GSE1: variants seen among roughly 807,000 people sequenced by gnomAD.
The protein encoded by GSE1 is genetic suppressor element 1.
In GSE1, 32 loss-of-function variants were observed where a neutral mutation model predicts 112.6. The ratio of observed to expected loss-of-function variants is 0.28; its 90% CI spans 0.21 to 0.38. The LOEUF (loss-of-function observed/expected upper bound fraction) is 0.38. GSE1 is among the 10% of genes least tolerant of loss of function. The pLI is 1.00. For missense variants in GSE1, 2,348 were observed against 1,699.2 expected (o/e 1.38, Z -6.71); for synonymous variants, 1,115 against 735.6 (o/e 1.52, Z -8.35).
intron 1 of GSE1, among the ~76,000 whole-genome samples, chr16:85,623,241 G>T (rs1208860627): frequency 6.7e-5 from 10 of 149,844 alleles, no homozygotes; most frequent in South Asian, 2.1e-4. Flanking sequence ...TTGAGACAGG[G>T]TCTCGCTCTG....
At chr16:85,313,693 T>C (rs1459867934) in intron 1 of GSE1, among the ~76,000 whole-genome samples, 1 of 152,158 alleles carries the variant, frequency 6.6e-6, no homozygotes, top group Non-Finnish European at 1.5e-5. Context: ...CAGAACAGGC[T>C]GTGGGGAAGG....
intron 1 of GSE1, among the ~76,000 whole-genome samples, chr16:85,299,771 T>A (rs1429029410): frequency 6.6e-6 from 1 of 151,836 alleles, no homozygotes; most frequent in Admixed American, 6.6e-5. Flanking sequence ...CTATAAAAAA[T>A]TTTAAAAATA....
At chr16:85,556,498 G>A (rs2045220376) in intron 1 of GSE1, 2 of 191,424 alleles carry the variant, frequency 1.0e-5, no homozygotes, top group Admixed American at 6.6e-5. Context: ...CCGCAGACGC[G>A]CGCGGCCTCG....
intron 1 of GSE1, among the ~76,000 whole-genome samples, chr16:85,244,284 C>T (rs1411644556): frequency 6.6e-6 from 1 of 152,044 alleles, no homozygotes; most frequent in Admixed American, 6.6e-5. Flanking sequence ...ACTCACCTGG[C>T]ATCGCTGGCT....
intron 2 of GSE1, among the ~76,000 whole-genome samples, chr16:85,384,109 A>G (rs75000022): frequency 0.11 from 17,131 of 152,160 alleles, 1,038 homozygotes; most frequent in African/African-American, 0.15. Flanking sequence ...CGGCCTTGCT[A>G]TGCACAATCA....
At chr16:85,232,333 A>C (rs77369212) in intron 1 of GSE1, among the ~76,000 whole-genome samples, 4,778 of 152,164 alleles carry the variant, frequency 0.031, 251 homozygotes, top group African/African-American at 0.11. Flanking sequence ...TGTCCACTTG[A>C]CATCTACTCC....
At chr16:85,576,770 G>A (rs369909826) in intron 1 of GSE1, among the ~76,000 whole-genome samples, 1 of 152,188 alleles carries the variant, frequency 6.6e-6, no homozygotes, top group African/African-American at 2.4e-5. Flanking sequence ...TTCCAGGCTT[G>A]CTTGGGGACT....
upstream of GSE1, among the ~76,000 whole-genome samples, chr16:85,551,553 C>T (rs906798700): frequency 3.9e-5 from 6 of 152,350 alleles, no homozygotes; most frequent in Middle Eastern, 3.4e-3. Flanking sequence ...GAAGGCCGCC[C>T]GGGAGGCTCA....
intron 2 of GSE1, among the ~76,000 whole-genome samples, chr16:85,536,005 G>A (rs1056620383): frequency 2.0e-5 from 3 of 152,270 alleles, no homozygotes; most frequent in Non-Finnish European, 4.4e-5. Context: ...GGAAGACACA[G>A]TAAGGGCTGA....
upstream of GSE1, chr16:85,555,885 C>A: frequency 1.2e-6 from 1 of 832,602 alleles, no homozygotes; most frequent in Non-Finnish European, 1.4e-6. Flanking sequence ...TTTCATCACC[C>A]TCACCTCCCC....
Position 85,404,394 on chromosome 16 carries a change from A to AG in GSE1, c.2464+46753dup, listed in dbSNP as rs537801753. ...CTGGATAATCCTCACTGTTACACTC[A>AG]GGCCCCCTGGATAATCCTCACTGGT... On this transcript the variant is annotated intron_variant, in intron 2 of 2. Transcript: ENST00000637419. Among the ~76,000 whole-genome samples the AG allele has an allele frequency of 1.9e-3, 8 of 4,262 alleles. 1 individual carries two copies. Among genetic ancestry groups the AG allele is most frequent in the East Asian group, 0.04 (2 of 50 alleles). 2.8% of individuals were successfully genotyped at this position (4,262 alleles called of 152,430 possible). A position where few individuals can be genotyped will look rare whatever the true frequency, so the allele number is the denominator to read the frequency against.
chr16:85,623,552 C>T (rs2048872766), intron 1 of GSE1, among the ~76,000 whole-genome samples: 1 of 152,200 alleles, frequency 6.6e-6, no homozygotes, highest in African/African-American at 2.4e-5. Flanking sequence ...GCTCTGCCCC[C>T]ATAGTGTGTT....
intron 2 of GSE1, among the ~76,000 whole-genome samples, chr16:85,470,256 C>G (rs760997732): frequency 2.0e-5 from 3 of 152,222 alleles, no homozygotes; most frequent in Non-Finnish European, 4.4e-5. Flanking sequence ...GAGAGGGCAC[C>G]TGGGGCCAGC....
chr16:85,389,096 A>G (rs2047772596), intron 2 of GSE1, among the ~76,000 whole-genome samples: 3 of 152,144 alleles, frequency 2.0e-5, no homozygotes, highest in Non-Finnish European at 2.9e-5. Context: ...GGTCCTGGGG[A>G]GAGGAGGGAC....
rs201596516 is a variant in GSE1 at position 85,281,210 on chromosome 16, A to C, written c.2284-76253A>C. 2.0e-5 allele frequency among the ~76,000 whole-genome samples: 3 copies of C among 152,170 alleles called. No individual in the cohort carries two copies. The East Asian group carries it at 5.8e-4, about 29-fold the overall frequency. ...GTTCTGAACCTTTACTGGGGAGGAC[A>C]TCCGAGGCCTGCAGAAGCCCTGTGG... On this transcript the variant is annotated intron_variant, in intron 1 of 2. Coordinates refer to the GSE1 transcript ENST00000637419.
chr16:85,232,190 T>A (rs942108533), intron 1 of GSE1, among the ~76,000 whole-genome samples: 2 of 152,204 alleles, frequency 1.3e-5, no homozygotes, highest in African/African-American at 4.8e-5. Context: ...AGCCAAGCAT[T>A]TTTATGACTC....
At chr16:85,287,956 T>A (rs1352553679) in intron 1 of GSE1, among the ~76,000 whole-genome samples, 1 of 152,140 alleles carries the variant, frequency 6.6e-6, no homozygotes, top group Non-Finnish European at 1.5e-5. Context: ...ATAAGCGCTA[T>A]TGGCCGGGCA....
chr16:85,322,890 A>G (rs2046141813), intron 1 of GSE1, among the ~76,000 whole-genome samples: 1 of 152,182 alleles, frequency 6.6e-6, no homozygotes, highest in South Asian at 2.1e-4. Flanking sequence ...TGCTGGGATT[A>G]CAGGCATGAG....
At chr16:85,364,061 CA>C (rs1047850705) in intron 2 of GSE1, among the ~76,000 whole-genome samples, 4 of 152,348 alleles carry the variant, frequency 2.6e-5, no homozygotes, top group African/African-American at 9.6e-5. Context: ...TGCTGGAGGT[CA>C]GAAGTCTGAC....
Sources: gnomAD v4.1 joint callset for allele counts (sites outside exome capture counted in the v4.1 genomes callset) on GRCh38, gnomAD v4.1.1 for gene constraint, MANE v1.5 for transcripts, NCBI Gene and HGNC (gene_info 2026-07-23, HGNC 2026-07-21) for gene names.